The following HEMGN variants were observed in gnomAD, a reference collection of about 807,000 sequenced individuals.
HEMGN encodes hemogen, also known as erythroid differentiation-associated gene protein.
Under a neutral mutation model 45.7 loss-of-function variants are expected in HEMGN, and 32 were observed. The ratio of observed to expected loss-of-function variants is 0.70; its 90% CI spans 0.53 to 0.94. The LOEUF (loss-of-function observed/expected upper bound fraction) is 0.94. Among genes scored for constraint, HEMGN ranks in the 40% least tolerant of loss-of-function variants. HEMGN has a pLI of 0.00. For synonymous variants in HEMGN, 183 were observed against 178.6 expected, an observed-to-expected ratio of 1.02 and a Z score of -0.20; for missense variants, 530 against 564.2, an observed-to-expected ratio of 0.94 and a Z score of 0.61.
chr9:97,940,528 G>C (rs1382324276), upstream of HEMGN, among the ~76,000 whole-genome samples: 1 of 152,024 alleles, frequency 6.6e-6, no homozygotes. Flanking sequence ...GCCAGAGTGG[G>C]AATTTGAGAC....
At chr9:97,939,673 T>C (rs1183038384), upstream of HEMGN, among the ~76,000 whole-genome samples, 37 of 152,208 alleles carry the variant, frequency 2.4e-4, no homozygotes, top group Non-Finnish European at 8.8e-5. Flanking sequence ...TAAAAATGTG[T>C]GTATCATGTA....
At chr9:97,939,061 C>T (rs1434428134), upstream of HEMGN, among the ~76,000 whole-genome samples, 2 of 152,150 alleles carry the variant, frequency 1.3e-5, no homozygotes, top group African/African-American at 2.4e-5. Flanking sequence ...AAAGAAGAAA[C>T]CCTGAGCACC....
intron 2 of HEMGN, among the ~76,000 whole-genome samples, chr9:97,932,772 C>G (rs1288155231): frequency 6.7e-6 from 1 of 148,606 alleles, no homozygotes; most frequent in Non-Finnish European, 1.5e-5. Context: ...CCACTGCACT[C>G]CAGCCTGGGT....
chr9:97,936,323 G>T, intron 1 of HEMGN, 59 bp from the exon 2 acceptor site: 1 of 1,169,904 alleles, frequency 8.5e-7, no homozygotes, highest in Non-Finnish European at 1.3e-6. Context: ...ATCAGCAAAA[G>T]TCCTGTAGCC....
rs777322933 is a variant in HEMGN, at chr9:97,927,359, A to G, written c.*25T>C. The G allele has an allele frequency of 1.5e-6, 2 of 1,346,216 alleles. No individual in the cohort carries two copies. Among genetic ancestry groups the G allele is most frequent in the East Asian group, 4.6e-5 (2 of 43,308 alleles). 83.4% of individuals were successfully genotyped at this position (1,346,216 alleles called of 1,614,324 possible). On this transcript the variant is annotated 3_prime_UTR_variant, in exon 4 of 4. Transcript: ENST00000616898. ...ACTATTAAGCTGTATGTTCCATTGG[A>G]CCACAACTTTATGGTTGAGCATTGT... is the stretch of plus-strand genomic sequence containing the variant.
At chr9:97,931,466 T>A (rs1162083339) in intron 2 of HEMGN, among the ~76,000 whole-genome samples, 2 of 152,214 alleles carry the variant, frequency 1.3e-5, no homozygotes, top group African/African-American at 4.8e-5. Context: ...CCAGGAGCCT[T>A]CTTGGTGAGG....
intron 1 of HEMGN, 27 bp from the exon 2 acceptor site, chr9:97,936,291 A>G (rs1466155885): frequency 1.4e-6 from 2 of 1,476,060 alleles, no homozygotes; most frequent in East Asian, 4.5e-5. Flanking sequence ...GTGATTAGAA[A>G]AAGTGATGAA....
In HEMGN at chr9:97,927,584, AC is replaced by A. The variant is rs1161738996; in HGVS notation, c.1361-107del. 6 of 667,298 alleles carry A rather than the reference AC, an allele frequency of 9.0e-6. No individual in the cohort carries two copies. The Admixed American group carries it at 9.9e-5, about 11-fold the overall frequency. The allele number at this position is 667,298 out of a possible 1,614,324, so 41.3% of individuals were successfully genotyped here. A position where few individuals can be genotyped will look rare whatever the true frequency, so the allele number is the denominator to read the frequency against. On this transcript the variant is annotated intron_variant, in intron 3 of 3. Transcript: ENST00000616898. ...TGCTTTACAACATACACAACAACAA[AC>A]CGTAGATGGGGTAAATTTTTAAATA...
In HEMGN at chr9:97,927,330, A is replaced by G; in HGVS notation, c.*54T>C. On this transcript the variant is annotated 3_prime_UTR_variant, in exon 4 of 4. Coordinates refer to ENST00000616898, the MANE Select transcript of HEMGN (RefSeq NM_197978.3). ...TTACAATATTTTGAGAAAATCACGC[A>G]TAAACTATTAAGCTGTATGTTCCAT... 1 of 936,762 alleles carries G rather than the reference A, an allele frequency of 1.1e-6. No homozygotes were observed. The highest frequency in any genetic ancestry group is 1.6e-6 in the Non-Finnish European group (1 of 608,128). 58.0% of individuals were successfully genotyped at this position (936,762 alleles called of 1,614,324 possible).
In HEMGN at chr9:97,930,714, ATCT is replaced by A. The variant is rs1004251163; in HGVS notation, c.678_680del (p.Glu226del). 2 of 1,614,180 alleles carry A rather than the reference ATCT, an allele frequency of 1.2e-6. No homozygotes were observed. The highest frequency in any genetic ancestry group is 1.1e-5 in the South Asian group (1 of 91,090). ...CTTCTTGGCACATTTTAGGAGCCAG[ATCT>A]TCTCGTTTAGCCATATCTTGGTACA... is the stretch of plus-strand genomic sequence containing the variant. On this transcript the variant is annotated inframe_deletion, in exon 3 of 4. Transcript: ENST00000616898.
At chr9:97,942,856 G>A (rs1827172102), upstream of HEMGN, among the ~76,000 whole-genome samples, 1 of 152,188 alleles carries the variant, frequency 6.6e-6, no homozygotes, top group Non-Finnish European at 1.5e-5. Context: ...GGGTAAAAGT[G>A]CCCCAAAGCT....
In HEMGN at chr9:97,930,138, A is replaced by T; in HGVS notation, c.1257T>A (p.Pro419=). 1 of 1,614,172 alleles carries T rather than the reference A, an allele frequency of 6.2e-7. No homozygotes were observed. The highest frequency in any genetic ancestry group is 8.5e-7 in the Non-Finnish European group (1 of 1,180,014). ...GGTGTGGTTCTGGAAAGCATTCTTT[A>T]GGCACATCCTTATTTTTATATGTCT... The part of the protein sequence containing the change: ...STETYKNKDV[P]KECFPEPHQE... Residue 419 remains proline, a synonymous_variant, in exon 3 of 4, where the codon CCT becomes CCA. Coordinates refer to ENST00000616898, the MANE Select transcript of HEMGN (RefSeq NM_197978.3).
At chr9:97,927,948 A>G (rs1397118619) in intron 3 of HEMGN, among the ~76,000 whole-genome samples, 2 of 152,096 alleles carry the variant, frequency 1.3e-5, no homozygotes, top group African/African-American at 4.8e-5. Context: ...TAATTATAAA[A>G]GGGGGTGATT....
In HEMGN at chr9:97,930,882, G is replaced by T; in HGVS notation, c.513C>A (p.Asp171Glu). 1 of 1,614,072 alleles carries T rather than the reference G, an allele frequency of 6.2e-7. No individual in the cohort carries two copies. The highest frequency in any genetic ancestry group is 8.5e-7 in the Non-Finnish European group (1 of 1,179,928). ...ETCQHVSEPE[D>E]LSPKMYQEIS... ...TTTCTTGGTACATTTTAGGAGAGAG[G>T]TCTTCAGGTTCAGACACATGTTGGC... Residue 171 changes from aspartate to glutamate, a missense_variant, in exon 3 of 4, where the codon GAC (aspartate) becomes GAA (glutamate). Coordinates refer to ENST00000616898, the MANE Select transcript of HEMGN (RefSeq NM_197978.3).
chr9:97,929,687 GA>G (rs1826904485), intron 3 of HEMGN, among the ~76,000 whole-genome samples: 1 of 152,064 alleles, frequency 6.6e-6, no homozygotes, highest in African/African-American at 2.4e-5. Flanking sequence ...AAATTTCCTA[GA>G]AAAACTTCAT....
In HEMGN at chr9:97,927,199, AT is replaced by A; in HGVS notation, c.*184del. 1.3e-5 allele frequency: 6 copies of A among 450,986 alleles called. No individual in the cohort carries two copies. The highest frequency in any genetic ancestry group is 2.0e-5 in the Non-Finnish European group (5 of 255,206). The allele number at this position is 450,986 out of a possible 1,614,324, so 27.9% of individuals were successfully genotyped here. A position where few individuals can be genotyped will look rare whatever the true frequency, so the allele number is the denominator to read the frequency against. On this transcript the variant is annotated 3_prime_UTR_variant, in exon 4 of 4. Coordinates refer to ENST00000616898, the MANE Select transcript of HEMGN (RefSeq NM_197978.3). ...CACACACACACACACACACACACAC[AT>A]TCTAGCATGATATTGTCTATGTGGT...
Position 97,931,225 on chromosome 9 carries a change from C to G in HEMGN, c.174-4G>C, listed in dbSNP as rs1262563061. ...CTGCTTGCGTTTTTTCTGTTCTCTG[C>G]AGAAAGAACAGAATTAGTGTCAGCA... On this transcript the variant is annotated splice_polypyrimidine_tract_variant and splice_region_variant and intron_variant, in intron 2 of 3. Coordinates refer to ENST00000616898, the MANE Select transcript of HEMGN (RefSeq NM_197978.3). 6.3e-7 allele frequency: 1 copy of G among 1,585,814 alleles called. No individual in the cohort carries two copies. Among genetic ancestry groups the G allele is most frequent in the African/African-American group, 1.4e-5 (1 of 73,332 alleles).
Position 97,930,285 on chromosome 9 carries a change from C to A in HEMGN, c.1110G>T (p.Thr370=), listed in dbSNP as rs778904356. 6.2e-7 allele frequency: 1 copy of A among 1,613,888 alleles called. No homozygotes were observed. The highest frequency in any genetic ancestry group is 1.1e-5 in the South Asian group (1 of 91,072). ...TPGSEKYSPE[T]YQEIPGLEEY... is the part of the protein sequence containing the mutation. Reference sequence around the variant, plus strand: ...CTTCAAGCCCAGGTATTTCTTGATACGTTTCAGGTGAATATTTTTCAGACC... The same window carrying A: ...CTTCAAGCCCAGGTATTTCTTGATAAGTTTCAGGTGAATATTTTTCAGACC... The change falls in exon 3 of 4, where the codon ACG becomes ACT. Residue 370 remains threonine (T), a synonymous_variant. Coordinates refer to ENST00000616898, the MANE Select transcript of HEMGN (RefSeq NM_197978.3).
intron 2 of HEMGN, among the ~76,000 whole-genome samples, chr9:97,934,190 A>G (rs1827011491): frequency 6.6e-6 from 1 of 151,998 alleles, no homozygotes; most frequent in South Asian, 2.1e-4. Context: ...CTACTAAAAA[A>G]TACAAAAACT....
Sources: gnomAD v4.1 joint callset for allele counts (sites outside exome capture counted in the v4.1 genomes callset) on GRCh38, gnomAD v4.1.1 for gene constraint, MANE v1.5 for transcripts, NCBI Gene and HGNC (gene_info 2026-07-23, HGNC 2026-07-21) for gene names.